The following ZC4H2 variants were observed in gnomAD, a reference collection of about 807,000 sequenced individuals.
The protein encoded by ZC4H2 is zinc finger C4H2-type containing, also known as zinc finger C4H2 domain-containing protein.
For synonymous variants in ZC4H2, 84 were observed against 66.3 expected, an observed-to-expected ratio of 1.27 and a Z score of -1.30; for missense variants, 137 against 173.9, an observed-to-expected ratio of 0.79 and a Z score of 1.19.
At chrX:65,032,976 C>T (rs1420939113) in intron 1 of ZC4H2, among the ~76,000 whole-genome samples, 1 of 111,226 alleles carries the variant, frequency 9.0e-6, no homozygotes, top group Non-Finnish European at 1.9e-5. Flanking sequence ...GGGATTTTGC[C>T]ATGTTGGCCA....
intron 4 of ZC4H2, 53 bp downstream of exon 4, chrX:64,918,989 C>T (rs754411627): frequency 2.1e-5 from 24 of 1,121,486 alleles, no homozygotes; most frequent in Non-Finnish European, 2.7e-5. Flanking sequence ...TTCCACGGCC[C>T]TTCCATGGGA....
At chrX:64,980,509 C>T (rs930978900), upstream of ZC4H2, among the ~76,000 whole-genome samples, 2 of 111,953 alleles carry the variant, frequency 1.8e-5, no homozygotes, top group African/African-American at 6.5e-5. Flanking sequence ...AGGATTAATT[C>T]ATGCAAACAG....
chrX:64,938,311 A>C (rs1028133383), intron 1 of ZC4H2, among the ~76,000 whole-genome samples: 1 of 112,035 alleles, frequency 8.9e-6, no homozygotes, highest in Non-Finnish European at 1.9e-5. Context: ...CCAACCAAAA[A>C]AAGTCCAGGA....
chrX:65,008,416 C>T (rs1282193206), intron 1 of ZC4H2, among the ~76,000 whole-genome samples: 1 of 111,749 alleles, frequency 8.9e-6, no homozygotes, highest in Non-Finnish European at 1.9e-5. Context: ...GTTCCTCAAA[C>T]AACTAAAAAT....
At chrX:64,927,096 A>G (rs775974368) in intron 1 of ZC4H2, among the ~76,000 whole-genome samples, 2 of 111,387 alleles carry the variant, frequency 1.8e-5, no homozygotes, top group Non-Finnish European at 3.8e-5. Flanking sequence ...AAGAGTATTT[A>G]AATTTTTTTT....
At chrX:65,029,180 C>A (rs1251040683) in intron 1 of ZC4H2, among the ~76,000 whole-genome samples, 1 of 111,235 alleles carries the variant, frequency 9.0e-6, no homozygotes, top group African/African-American at 3.3e-5. Context: ...AGGAAAAGAA[C>A]AGAGAATGTA....
chrX:65,017,259 C>T (rs990869790), intron 1 of ZC4H2, among the ~76,000 whole-genome samples: 1 of 111,864 alleles, frequency 8.9e-6, no homozygotes, highest in Non-Finnish European at 1.9e-5. Context: ...CTCCCTGACA[C>T]TCATCAATTA....
chrX:64,929,555 T>A (rs777338936), intron 1 of ZC4H2, among the ~76,000 whole-genome samples: 103 of 111,669 alleles, frequency 9.2e-4, no homozygotes, highest in Admixed American at 2.9e-3. Context: ...AGGTGAGAGG[T>A]GAGGATCTAG....
At chrX:64,977,852 T>C (rs1411938534), upstream of ZC4H2, among the ~76,000 whole-genome samples, 2 of 111,889 alleles carry the variant, frequency 1.8e-5, no homozygotes, top group East Asian at 5.6e-4. Context: ...TGTTTAATTA[T>C]TTTATGTTTC....
chrX:64,918,337 A>ATGCATGTTG (rs1327888812), intron 4 of ZC4H2: 1 of 116,504 alleles, frequency 8.6e-6, no homozygotes, highest in Admixed American at 8.8e-5. Context: ...AATAGCTTGC[A>ATGCATGTTG]TGCATGTTGT....
At chrX:65,007,132 C>CAA (rs200994633) in intron 1 of ZC4H2, among the ~76,000 whole-genome samples, 3 of 90,337 alleles carry the variant, frequency 3.3e-5, no homozygotes, top group African/African-American at 1.2e-4. Context: ...ACTTGTTGTT[C>CAA]AAAAAAAAAA....
chrX:65,030,481 A>G (rs1311087613), intron 1 of ZC4H2, among the ~76,000 whole-genome samples: 1 of 112,055 alleles, frequency 8.9e-6, no homozygotes, highest in Non-Finnish European at 1.9e-5. Context: ...CTCAAAGTCT[A>G]TTTCCAATCC....
chrX:64,951,306 G>T (rs1930816166), intron 1 of ZC4H2, among the ~76,000 whole-genome samples: 1 of 112,032 alleles, frequency 8.9e-6, no homozygotes, highest in Non-Finnish European at 1.9e-5. Context: ...ACTCCTTTGG[G>T]TATATACCCA....
At chrX:65,033,811 G>A (rs1932968793) in intron 1 of ZC4H2, among the ~76,000 whole-genome samples, 1 of 111,639 alleles carries the variant, frequency 9.0e-6, no homozygotes, top group East Asian at 2.8e-4. Flanking sequence ...AGCTCAGGCC[G>A]GGCACGGTGG....
chrX:65,011,448 G>C (rs1434742693), intron 1 of ZC4H2, among the ~76,000 whole-genome samples: 1 of 111,410 alleles, frequency 9.0e-6, no homozygotes, highest in Non-Finnish European at 1.9e-5. Flanking sequence ...GTGAGGGAGA[G>C]GTCTGGAACC....
At chrX:64,985,048 T>A (rs1246819972) in intron 1 of ZC4H2, among the ~76,000 whole-genome samples, 1 of 112,690 alleles carries the variant, frequency 8.9e-6, no homozygotes, top group African/African-American at 3.2e-5. Context: ...TATGGCTACA[T>A]AGTATTCCAT....
At chrX:64,982,349 A>T (rs1266583815) in intron 1 of ZC4H2, among the ~76,000 whole-genome samples, 1 of 112,107 alleles carries the variant, frequency 8.9e-6, no homozygotes, top group Non-Finnish European at 1.9e-5. Context: ...GTACTTTAGA[A>T]CTACTCATAG....
chrX:65,009,447 G>A, intron 1 of ZC4H2, among the ~76,000 whole-genome samples: 1 of 112,022 alleles, frequency 8.9e-6, no homozygotes, highest in East Asian at 2.8e-4. Context: ...TGGGGAGACA[G>A]ATTCGTGATG....
upstream of ZC4H2, among the ~76,000 whole-genome samples, chrX:64,976,698 G>A (rs1190560535): frequency 3.6e-5 from 4 of 111,999 alleles, no homozygotes; most frequent in Non-Finnish European, 7.5e-5. Context: ...TCTGGCCCGT[G>A]TGTGGGAAAA....
Sources: gnomAD v4.1 joint callset for allele counts (sites outside exome capture counted in the v4.1 genomes callset) on GRCh38, gnomAD v4.1.1 for gene constraint, MANE v1.5 for transcripts, NCBI Gene and HGNC (gene_info 2026-07-23, HGNC 2026-07-21) for gene names.